Variants in GLI2 observed in about 807,000 individuals in gnomAD.
The protein encoded by GLI2 is transcription activator GLI2.
GLI2 carries 22 observed loss-of-function variants against 78.9 expected under a neutral mutation model. The observed-to-expected ratio is 0.28, with a 90% confidence interval of 0.20 to 0.40. The LOEUF is 0.40. GLI2 is among the 10% of genes least tolerant of loss of function. The probability of loss-of-function intolerance (pLI) is 1.00; values close to 1 mark genes in which losing one functional copy is unlikely to be tolerated. For synonymous variants in GLI2, 974 were observed against 963.7 expected (o/e 1.01, Z -0.20); for missense variants, 2,097 against 2,213.2 (o/e 0.95, Z 1.05).
chr2:120,912,239 C>T (rs1041727493), intron 2 of GLI2, among the ~76,000 whole-genome samples: 13 of 150,872 alleles, frequency 8.6e-5, no homozygotes, highest in African/African-American at 3.2e-4. Flanking sequence ...TTTTAATTCA[C>T]ATGCTTAGCT....
At chr2:120,830,054 A>G (rs532649570) in intron 2 of GLI2, among the ~76,000 whole-genome samples, 2 of 152,290 alleles carry the variant, frequency 1.3e-5, no homozygotes, top group Non-Finnish European at 2.9e-5. Flanking sequence ...TGAAAAGTGT[A>G]GCAGGCTTGG....
chr2:120,839,361 A>G (rs889663420), intron 2 of GLI2, among the ~76,000 whole-genome samples: 1 of 152,204 alleles, frequency 6.6e-6, no homozygotes, highest in Non-Finnish European at 1.5e-5. Context: ...AGTTTATTTA[A>G]TGGTTAGAGG....
At chr2:120,830,375 C>G (rs941296987) in intron 2 of GLI2, among the ~76,000 whole-genome samples, 27 of 152,348 alleles carry the variant, frequency 1.8e-4, no homozygotes, top group Admixed American at 5.9e-4. Flanking sequence ...GTCTAGGGCA[C>G]AGGGTGAGTA....
chr2:120,941,083 G>A (rs1321341553), intron 3 of GLI2, among the ~76,000 whole-genome samples: 2 of 152,222 alleles, frequency 1.3e-5, no homozygotes, highest in Non-Finnish European at 2.9e-5. Context: ...ACACAGATCA[G>A]CAATGAATGT....
intron 5 of GLI2, among the ~76,000 whole-genome samples, chr2:120,960,571 A>G (rs1174750332): frequency 6.6e-6 from 1 of 152,224 alleles, no homozygotes; most frequent in Non-Finnish European, 1.5e-5. Context: ...TTCAAATGGA[A>G]CTTTGTATTT....
At chr2:120,899,485 C>T (rs1678145616) in intron 2 of GLI2, among the ~76,000 whole-genome samples, 1 of 152,190 alleles carries the variant, frequency 6.6e-6, no homozygotes, top group Non-Finnish European at 1.5e-5. Context: ...TGCAGCTTCC[C>T]CAAGGAAGGC....
chr2:120,807,705 T>C (rs1407622780), intron 2 of GLI2, among the ~76,000 whole-genome samples: 2 of 152,042 alleles, frequency 1.3e-5, no homozygotes, highest in African/African-American at 4.8e-5. Context: ...AGGGCTCCCT[T>C]CCCTCCCCGA....
In GLI2 at chr2:120,988,632, G is replaced by T; in HGVS notation, c.2667G>T (p.Pro889=). The change falls in exon 14 of 14, where the codon CCG becomes CCT. Residue 889 remains proline (P), a synonymous_variant. Transcript: ENST00000361492. ...ATGGPPPTPL[P]GLERMSLRTR... is the part of the protein sequence containing the mutation. ...GCGGCCCCCCGCCCACTCCGCTGCC[G>T]GGCCTGGAGCGCATGAGCCTGCGGA... is the stretch of plus-strand genomic sequence containing the variant. The T allele has an allele frequency of 2.8e-6, 4 of 1,447,136 alleles. No homozygotes were observed. The highest frequency in any genetic ancestry group is 3.6e-6 in the Non-Finnish European group (4 of 1,105,306). 89.6% of individuals were successfully genotyped at this position (1,447,136 alleles called of 1,614,324 possible). A position where few individuals can be genotyped will look rare whatever the true frequency, so the allele number is the denominator to read the frequency against.
intron 1 of GLI2, among the ~76,000 whole-genome samples, chr2:120,783,494 C>T (rs1036939972): frequency 2.6e-5 from 4 of 151,872 alleles, no homozygotes; most frequent in African/African-American, 9.7e-5. Context: ...TTCAAAAGGC[C>T]ACGGGAACAA....
At chr2:120,813,155 G>A (rs878988668) in intron 2 of GLI2, among the ~76,000 whole-genome samples, 1 of 152,228 alleles carries the variant, frequency 6.6e-6, no homozygotes, top group Non-Finnish European at 1.5e-5. Flanking sequence ...GGCAGGGCCG[G>A]GGTGGTGAAA....
intron 2 of GLI2, among the ~76,000 whole-genome samples, chr2:120,914,333 C>G (rs1558878539): frequency 6.6e-6 from 1 of 152,264 alleles, no homozygotes; most frequent in Non-Finnish European, 1.5e-5. Context: ...GGCCTGGGCA[C>G]CGTCTCCTCC....
chr2:120,738,014 C>T (rs1682420599), intron 1 of GLI2, among the ~76,000 whole-genome samples: 1 of 152,200 alleles, frequency 6.6e-6, no homozygotes, highest in African/African-American at 2.4e-5. Context: ...CTGGGTTTCC[C>T]TGTGTCTGGG....
Position 120,958,062 on chromosome 2 carries a change from A to T in GLI2, c.643+2632A>T, listed in dbSNP as rs985566960. ...AGCAGCTGGGCCGGAGCCAGAGGGG[A>T]GAAGTAGTACAGCGAGCTCCAGGGC... On this transcript the variant is annotated intron_variant, in intron 5 of 13. Transcript: ENST00000361492. 2.6e-5 allele frequency among the ~76,000 whole-genome samples: 4 copies of T among 152,120 alleles called. No homozygotes were observed. In the South Asian group the frequency reaches 8.3e-4, roughly 32 times the overall value.
rs532110028 is a variant in GLI2 at position 120,808,347 on chromosome 2, G to C, written c.148+10879G>C. On this transcript the variant is annotated intron_variant, in intron 2 of 13. Transcript: ENST00000361492. ...CCCACCATTAGGTGTTTACCCCCTT[G>C]CTGTCACCTTACCTCTGGGTTTGTG... 4.9e-4 allele frequency among the ~76,000 whole-genome samples: 75 copies of C among 152,268 alleles called. 1 individual carries two copies. Among genetic ancestry groups the C allele is most frequent in the African/African-American group, 1.8e-3 (73 of 41,550 alleles).
At chr2:120,835,289 G>A (rs1686555835) in intron 2 of GLI2, among the ~76,000 whole-genome samples, 1 of 152,088 alleles carries the variant, frequency 6.6e-6, no homozygotes, top group Non-Finnish European at 1.5e-5. Context: ...GCTTTGGTGG[G>A]AGTTGATCAG....
At position 120,967,265 on chromosome 2, in the gene GLI2, T is replaced by C. The variant is rs140123800; in HGVS notation, c.644-1449T>C. On this transcript the variant is annotated intron_variant, in intron 5 of 13. Coordinates refer to ENST00000361492, the MANE Select transcript of GLI2 (RefSeq NM_001374353.1). ...GTCAAGGACAGGCCCAAGCATTTAC[T>C]GTGCCCTACCATGGGCCAGGTGCTT... Among the ~76,000 whole-genome samples, 269 of 152,368 alleles carry C rather than the reference T, an allele frequency of 1.8e-3. 1 individual carries two copies. Among genetic ancestry groups the C allele is most frequent in the African/African-American group, 6.3e-3 (261 of 41,594 alleles).
chr2:120,924,241 G>A (rs572934692), intron 2 of GLI2, among the ~76,000 whole-genome samples: 2 of 152,326 alleles, frequency 1.3e-5, no homozygotes, highest in South Asian at 2.1e-4. Flanking sequence ...TGAAAGCAGA[G>A]CTGTGGACTG....
rs148239361 is a variant in GLI2 at position 120,863,024 on chromosome 2, T to G, written c.149-64337T>G. The stretch of plus-strand genomic sequence containing the variant: ...CTCAAGTCTTGGGTTTTCATCCATG[T>G]TAACAACATCTGCTTCATAGGCCTG... On this transcript the variant is annotated intron_variant, in intron 2 of 13. Coordinates refer to ENST00000361492, the MANE Select transcript of GLI2 (RefSeq NM_001374353.1). Among the ~76,000 whole-genome samples, 43 of 152,302 alleles carry G rather than the reference T, an allele frequency of 2.8e-4. 1 individual carries two copies. The highest frequency in any genetic ancestry group is 2.7e-3 in the Admixed American group (42 of 15,298).
At chr2:120,864,121 G>A (rs1308492346) in intron 2 of GLI2, among the ~76,000 whole-genome samples, 1 of 152,184 alleles carries the variant, frequency 6.6e-6, no homozygotes, top group African/African-American at 2.4e-5. Flanking sequence ...CCTGCAGGAG[G>A]AGGCTCTGTG....
Sources: allele counts gnomAD v4.1 joint callset (sites outside exome capture counted in the v4.1 genomes callset), GRCh38; gene constraint gnomAD v4.1.1; transcripts MANE v1.5; gene names NCBI Gene and HGNC (gene_info 2026-07-23, HGNC 2026-07-21).